The following COG2 variants were observed in gnomAD, a reference collection of about 807,000 sequenced individuals.
COG2 encodes component of oligomeric golgi complex 2, also known as conserved oligomeric Golgi complex subunit 2.
In COG2, 52 loss-of-function variants were observed where a neutral mutation model predicts 90.6. The ratio of observed to expected loss-of-function variants is 0.57; its 90% confidence interval spans 0.46 to 0.72. The LOEUF is 0.72. Among genes scored for constraint, COG2 ranks in the 30% least tolerant of loss-of-function variants. The pLI is 0.00. For missense variants in COG2, 829 were observed against 891.2 expected (o/e 0.93, Z 0.89); for synonymous variants, 337 against 320.4 (o/e 1.05, Z -0.55).
At chr1:230,648,338 A>G (rs903561354) in intron 1 of COG2, among the ~76,000 whole-genome samples, 1 of 152,272 alleles carries the variant, frequency 6.6e-6, no homozygotes, top group Non-Finnish European at 1.5e-5. Context: ...ATCATTTCAC[A>G]GCAACTAAAA....
At position 230,675,138 on chromosome 1, in the gene COG2, C is replaced by G. The variant is rs56223718; in HGVS notation, c.1026+14C>G. ...GCATTTCATGAGGTATCTCCCCGCC[C>G]GTCGTCTTGATTCTTGAAGATGTTA... On this transcript the variant is annotated intron_variant, in intron 9 of 17. Transcript: ENST00000366669. The G allele has an allele frequency of 6.9e-6, 11 of 1,602,512 alleles. No homozygotes were observed. Among genetic ancestry groups the G allele is most frequent in the Non-Finnish European group, 9.4e-6 (11 of 1,174,226 alleles).
At chr1:230,685,303 C>T (rs532183846) in intron 12 of COG2, 67 bp downstream of exon 12, 1 of 1,544,398 alleles carries the variant, frequency 6.5e-7, no homozygotes, top group East Asian at 2.2e-5. Flanking sequence ...GTTAGGCTAA[C>T]TCCCTAAGAT....
At chr1:230,687,271 C>A in intron 13 of COG2, 139 bp downstream of exon 13, 1 of 585,084 alleles carries the variant, frequency 1.7e-6, no homozygotes, top group Non-Finnish European at 2.9e-6. Flanking sequence ...GAGAACCTCT[C>A]ACTCACCTCC....
At chr1:230,659,726 A>T in intron 2 of COG2, 101 bp downstream of exon 2, 1 of 1,180,002 alleles carries the variant, frequency 8.5e-7, no homozygotes. Flanking sequence ...CTTTTAGTTG[A>T]TGTCCTCACA....
chr1:230,669,431 G>A lies in COG2; in HGVS notation c.670G>A (p.Val224Ile), dbSNP rs762848634. 26 of 1,613,962 alleles carry A rather than the reference G, an allele frequency of 1.6e-5. No individual in the cohort carries two copies. The highest frequency in any genetic ancestry group is 1.6e-4 in the Middle Eastern group (1 of 6,082). Residue 224 changes from valine to isoleucine, a missense_variant, in exon 7 of 18, where the codon GTC (valine) becomes ATC (isoleucine). By Grantham distance (29) the Val-to-Ile change is conservative. Coordinates refer to ENST00000366669, the MANE Select transcript of COG2 (RefSeq NM_007357.3). ...ATTAGAAGGCCTTCAGACGTCTGAC[G>A]TCGATATAATACGGCACTGCTTGCG... The part of the protein sequence containing the change: ...LLLEGLQTSD[V>I]DIIRHCLRTY...
intron 5 of COG2, among the ~76,000 whole-genome samples, chr1:230,666,923 C>T (rs1032399626): frequency 6.6e-6 from 1 of 152,218 alleles, no homozygotes; most frequent in African/African-American, 2.4e-5. Flanking sequence ...TTAAAACTGT[C>T]TCACTCAGTT....
intron 9 of COG2, chr1:230,678,125 A>C (rs1662643189): frequency 3.0e-6 from 3 of 985,442 alleles, no homozygotes; most frequent in African/African-American, 1.7e-5. Context: ...GAACATAAAA[A>C]ATTCAACAGT....
chr1:230,647,121 C>T (rs1324444289), intron 1 of COG2, among the ~76,000 whole-genome samples: 1 of 152,192 alleles, frequency 6.6e-6, no homozygotes, highest in African/African-American at 2.4e-5. Flanking sequence ...CACCTGTATA[C>T]ACCATGAAAA....
At chr1:230,693,269 A>T in intron 17 of COG2, 23 bp from the exon 18 acceptor site, 35 of 1,242,748 alleles carry the variant, frequency 2.8e-5, no homozygotes, top group Non-Finnish European at 3.8e-5. Context: ...CAGTAACATA[A>T]TTCATTCTCA....
chr1:230,677,513 A>C (rs1232828186), intron 9 of COG2, among the ~76,000 whole-genome samples: 1 of 152,212 alleles, frequency 6.6e-6, no homozygotes, highest in African/African-American at 2.4e-5. Flanking sequence ...ATTTTCAATA[A>C]ATTTTATAGC....
intron 15 of COG2, among the ~76,000 whole-genome samples, chr1:230,688,939 C>T (rs777211793): frequency 6.6e-6 from 1 of 152,146 alleles, no homozygotes; most frequent in Non-Finnish European, 1.5e-5. Context: ...TTTATTGTTA[C>T]TGGAAGCATA....
intron 6 of COG2, 138 bp downstream of exon 6, chr1:230,668,922 G>C (rs911027364): frequency 6.9e-5 from 38 of 550,710 alleles, no homozygotes; most frequent in Admixed American, 6.7e-4. Context: ...TTTTTTGGGC[G>C]CCAGCTTCCT....
intron 1 of COG2, 141 bp from the exon 2 acceptor site, chr1:230,659,323 A>T: frequency 1.4e-6 from 1 of 707,650 alleles, no homozygotes; most frequent in South Asian, 1.7e-5. Context: ...TGTCATGTAT[A>T]AGCCAAGATA....
At chr1:230,677,520 T>C (rs1347614882) in intron 9 of COG2, among the ~76,000 whole-genome samples, 1 of 152,234 alleles carries the variant, frequency 6.6e-6, no homozygotes, top group Non-Finnish European at 1.5e-5. Context: ...ATAAATTTTA[T>C]AGCAACATTT....
At chr1:230,688,206 A>G in intron 14 of COG2, 63 bp downstream of exon 14, 1 of 1,309,708 alleles carries the variant, frequency 7.6e-7, no homozygotes, top group Non-Finnish European at 1.1e-6. Context: ...AAAATCTCAG[A>G]GACTGTAGGG....
intron 12 of COG2, 102 bp downstream of exon 12, chr1:230,685,338 A>T (rs1662862344): frequency 8.2e-7 from 1 of 1,218,088 alleles, no homozygotes; most frequent in African/African-American, 1.5e-5. Flanking sequence ...TGAGAGGTTA[A>T]TTCAGAGGAC....
In COG2 at chr1:230,669,370, T is replaced by A. The variant is rs778368084; in HGVS notation, c.609T>A (p.Ile203=). Residue 203 remains isoleucine, a synonymous_variant, in exon 7 of 18, where the codon ATT becomes ATA. Transcript: ENST00000366669. Reference sequence around the variant, plus strand: ...TTTTCTTGCAGCGTATAGCTGGCATTACAGCCATGTTACAGCAGTCACTGG... The same window carrying A: ...TTTTCTTGCAGCGTATAGCTGGCATAACAGCCATGTTACAGCAGTCACTGG... ...LDKVRPRIAG[I]TAMLQQSLEG... 3.1e-6 allele frequency: 5 copies of A among 1,612,996 alleles called. No homozygotes were observed. In the South Asian group the frequency reaches 4.4e-5, roughly 14 times the overall value.
chr1:230,672,315 G>A (rs1662467225), intron 8 of COG2, among the ~76,000 whole-genome samples: 1 of 152,204 alleles, frequency 6.6e-6, no homozygotes. Flanking sequence ...AGCAGGGCAT[G>A]AGGCCCTTTT....
At chr1:230,688,635 A>G in intron 15 of COG2, 73 bp downstream of exon 15, 1 of 1,542,884 alleles carries the variant, frequency 6.5e-7, no homozygotes, top group African/African-American at 1.4e-5. Context: ...GGAAGGAAGG[A>G]AGGAAGCGGC....
Sources: allele counts gnomAD v4.1 joint callset (sites outside exome capture counted in the v4.1 genomes callset), GRCh38; gene constraint gnomAD v4.1.1; transcripts MANE v1.5; gene names NCBI Gene and HGNC (gene_info 2026-07-23, HGNC 2026-07-21).